The following ISM2 variants were observed in gnomAD, a reference collection of about 807,000 sequenced individuals.
ISM2 encodes the protein isthmin 2, also known as isthmin-2.
A neutral mutation model predicts 58.0 loss-of-function variants in ISM2; 50 were observed. The ratio of observed to expected loss-of-function variants is 0.86; its 90% CI spans 0.69 to 1.09. The LOEUF is 1.09. Ranked by LOEUF, ISM2 falls within the 50% of genes least tolerant of loss-of-function variation. The pLI, the probability that ISM2 is intolerant of heterozygous loss-of-function variation, is 0.00. For missense variants in ISM2, 723 were observed against 745.0 expected, an observed-to-expected ratio of 0.97 and a Z score of 0.34; for synonymous variants, 303 against 312.4, an observed-to-expected ratio of 0.97 and a Z score of 0.32.
intron 1 of ISM2, among the ~76,000 whole-genome samples, chr14:77,491,116 G>A (rs1439835285): frequency 1.3e-5 from 2 of 152,196 alleles, no homozygotes; most frequent in Non-Finnish European, 2.9e-5. Flanking sequence ...CGGCAATCCA[G>A]CCCCTGCTTC....
chr14:77,485,998 T>C (rs940396774), intron 1 of ISM2, among the ~76,000 whole-genome samples: 1 of 152,246 alleles, frequency 6.6e-6, no homozygotes, highest in African/African-American at 2.4e-5. Context: ...CAGCATTTAC[T>C]GCACACCAGG....
rs779765309 is a variant in ISM2, at chr14:77,482,316, G to A, written c.973+6C>T. On this transcript the variant is annotated splice_donor_region_variant and intron_variant, in intron 4 of 6. Transcript: ENST00000342219. Reference sequence around the variant, plus strand: ...AGCCTGGGGATGCCAAGATGGGGGTGCTCACCGTAGCTGACAGAATCCTTG... The same window carrying A: ...AGCCTGGGGATGCCAAGATGGGGGTACTCACCGTAGCTGACAGAATCCTTG... The A allele has an allele frequency of 3.6e-5, 57 of 1,604,896 alleles. No individual in the cohort carries two copies. Among genetic ancestry groups the A allele is most frequent in the Middle Eastern group, 1.7e-4 (1 of 6,042 alleles).
chr14:77,478,529 T>G, intron 5 of ISM2, 46 bp downstream of exon 5: 1 of 1,593,044 alleles, frequency 6.3e-7, no homozygotes, highest in South Asian at 1.1e-5. Flanking sequence ...GCCTCCAGCC[T>G]AAGCCGCACC....
chr14:77,475,495 C>T lies in ISM2; in HGVS notation c.*100G>A. The T allele has an allele frequency of 1.5e-6, 2 of 1,330,904 alleles. No homozygotes were observed. The highest frequency in any genetic ancestry group is 2.9e-5 in the South Asian group (2 of 68,798). The allele number at this position is 1,330,904 out of a possible 1,614,324, so 82.4% of individuals were successfully genotyped here. A position where few individuals can be genotyped will look rare whatever the true frequency, so the allele number is the denominator to read the frequency against. On this transcript the variant is annotated 3_prime_UTR_variant, in exon 7 of 7. Coordinates refer to ENST00000342219, the MANE Select transcript of ISM2 (RefSeq NM_199296.3). This position sits in a 1 kb window ranked among gnomAD's most constrained non-coding sequence, Gnocchi z 4.1. ...ACCAACCTCACTGGGGGAGCCCTTT[C>T]CTCACCCTGTCTGGGCAGGGGCGGG...
intron 1 of ISM2, among the ~76,000 whole-genome samples, chr14:77,497,733 AGGAAGGAGGGAGGGAGGGAG>A (rs1261799365): frequency 2.6e-5 from 1 of 37,800 alleles, no homozygotes; most frequent in Non-Finnish European, 6.4e-5. Flanking sequence ...AAAAGTAGGA[AGGAAGGAGGGAGGGAGGGAG>A]GGAGGGAGGG....
rs1050350932 is a variant in ISM2 at position 77,482,467 on chromosome 14, A to C, written c.828T>G (p.Pro276=). The part of the protein sequence containing the change: ...GEEKEEDEDY[P]SEDIEGEDQE... ...GATCCTCACCCTCGATATCCTCTGA[A>C]GGATAGTCCTCGTCTTCCTCCTTTT... is the stretch of plus-strand genomic sequence containing the variant. The change falls in exon 4 of 7, where the codon CCT becomes CCG. Residue 276 remains proline, a synonymous_variant. Transcript: ENST00000342219. 1.9e-6 allele frequency: 3 copies of C among 1,614,082 alleles called. No individual in the cohort carries two copies. The highest frequency in any genetic ancestry group is 2.5e-6 in the Non-Finnish European group (3 of 1,179,992).
chr14:77,488,165 G>T (rs1359484602), intron 1 of ISM2, among the ~76,000 whole-genome samples: 1 of 152,150 alleles, frequency 6.6e-6, no homozygotes, highest in Non-Finnish European at 1.5e-5. Flanking sequence ...GTTCACTGTG[G>T]GATACTGTGC....
intron 1 of ISM2, among the ~76,000 whole-genome samples, chr14:77,489,275 G>A (rs557104296): frequency 6.6e-6 from 1 of 152,318 alleles, no homozygotes; most frequent in East Asian, 1.9e-4. Flanking sequence ...AGGTCCCGCA[G>A]CCCTAGCTCC....
At chr14:77,477,723 A>T (rs1241272114) in intron 6 of ISM2, among the ~76,000 whole-genome samples, 5 of 152,164 alleles carry the variant, frequency 3.3e-5, no homozygotes, top group Admixed American at 2.6e-4. Context: ...TGCTGAGTGC[A>T]ACCCTTATCT....
intron 6 of ISM2, among the ~76,000 whole-genome samples, chr14:77,476,381 C>T (rs551893938): frequency 6.6e-6 from 1 of 152,324 alleles, no homozygotes; most frequent in East Asian, 1.9e-4. Flanking sequence ...ATGTCACATG[C>T]TGAATGGTGG....
Position 77,482,422 on chromosome 14 carries a change from A to T in ISM2, c.873T>A (p.Asp291Glu), listed in dbSNP as rs771516108. The change falls in exon 4 of 7, where the codon GAT becomes GAA. Residue 291 changes from aspartate to glutamate, a missense_variant. By Grantham distance (45) the Asp-to-Glu change is conservative (BLOSUM62 2). Transcript: ENST00000342219. ...TGAACCAGAGCGCCTGCTCTTCCTC[A>T]TCTTCCTCTTTGTCCTCTTGATCCT... The part of the protein sequence containing the change: ...EGEDQEDKEE[D>E]EEEQALWFNG... 2 of 1,614,116 alleles carry T rather than the reference A, an allele frequency of 1.2e-6. No homozygotes were observed. The highest frequency in any genetic ancestry group is 2.2e-5 in the South Asian group (2 of 91,074).
At chr14:77,492,414 C>T (rs1188311671) in intron 1 of ISM2, among the ~76,000 whole-genome samples, 9 of 151,788 alleles carry the variant, frequency 5.9e-5, no homozygotes, top group African/African-American at 1.9e-4. Flanking sequence ...ACACACATGG[C>T]GGCTGTTTGA....
chr14:77,497,811 G>A (rs1045488716), intron 1 of ISM2, among the ~76,000 whole-genome samples: 2 of 148,692 alleles, frequency 1.3e-5, no homozygotes, highest in Non-Finnish European at 3.0e-5. Flanking sequence ...AGGAAGGAAG[G>A]AAGGAAGGAA....
chr14:77,492,872 T>TA (rs2079214898), intron 1 of ISM2, among the ~76,000 whole-genome samples: 2 of 152,040 alleles, frequency 1.3e-5, no homozygotes, highest in South Asian at 4.1e-4. Flanking sequence ...AACATGCCTG[T>TA]AGTCCCAGCT....
rs767986455 is a variant in ISM2, at chr14:77,477,347, G to A, written c.1198+895C>T. Among the ~76,000 whole-genome samples the A allele has an allele frequency of 4.2e-4, 64 of 152,240 alleles. 1 individual carries two copies. The highest frequency in any genetic ancestry group is 1.5e-4 in the Non-Finnish European group (10 of 68,016). On this transcript the variant is annotated intron_variant, in intron 6 of 6. Coordinates refer to ENST00000342219, the MANE Select transcript of ISM2 (RefSeq NM_199296.3). ...AGCTGTCCAGCCCCGGACACTGGGG[G>A]ACTGACTTTGATAGTTTGAGGCTCT...
At chr14:77,483,643 CGTGT>C (rs148280012) in intron 3 of ISM2, among the ~76,000 whole-genome samples, 4 of 149,266 alleles carry the variant, frequency 2.7e-5, no homozygotes, top group Admixed American at 6.7e-5. Flanking sequence ...TGCGTGTGTG[CGTGT>C]GTGTGTGTGT....
At chr14:77,496,580 G>A (rs568938533) in intron 1 of ISM2, among the ~76,000 whole-genome samples, 3 of 149,930 alleles carry the variant, frequency 2.0e-5, no homozygotes, top group South Asian at 2.1e-4. Context: ...TCAGGAGTTC[G>A]AGACCAGCCA....
chr14:77,481,580 C>G (rs1163995119), intron 4 of ISM2, among the ~76,000 whole-genome samples: 2 of 152,112 alleles, frequency 1.3e-5, no homozygotes, highest in East Asian at 3.8e-4. Context: ...AACTGAGGCA[C>G]AGAGAGTTGA....
intron 3 of ISM2, 30 bp from the exon 4 acceptor site, chr14:77,482,697 AAGG>A (rs768144336): frequency 3.6e-6 from 5 of 1,403,114 alleles, no homozygotes; most frequent in Non-Finnish European, 9.6e-7. Flanking sequence ...CCGGCCAGTG[AAGG>A]AGGTCTTAGA....
Sources: allele counts gnomAD v4.1 joint callset (sites outside exome capture counted in the v4.1 genomes callset), GRCh38; gene constraint gnomAD v4.1.1; non-coding constraint Gnocchi (gnomAD v3.1); transcripts MANE v1.5; gene names NCBI Gene and HGNC (gene_info 2026-07-23, HGNC 2026-07-21).